The following SYNC variants were observed in gnomAD, a reference collection of about 807,000 sequenced individuals.
The protein encoded by SYNC is syncoilin, intermediate filament protein.
Under a neutral mutation model 49.5 loss-of-function variants are expected in SYNC, and 38 were observed. That is an observed-to-expected ratio of 0.77 (90% confidence interval 0.59 to 1.01). SYNC has a LOEUF of 1.01. Among genes scored for constraint, SYNC ranks in the 50% least tolerant of loss-of-function variants. The pLI, the probability that SYNC is intolerant of heterozygous loss-of-function variation, is 0.00. For missense variants in SYNC, 579 were observed against 580.6 expected (o/e 1.00, Z 0.03); for synonymous variants, 201 against 230.8 (o/e 0.87, Z 1.17).
intron 1 of SYNC, among the ~76,000 whole-genome samples, chr1:32,698,624 T>G (rs1371845298): frequency 6.6e-6 from 1 of 152,220 alleles, no homozygotes; most frequent in Non-Finnish European, 1.5e-5. Flanking sequence ...TCAAACGCTC[T>G]TGAAGTCAGA....
At chr1:32,682,064 G>A in intron 4 of SYNC, 1 of 558,390 alleles carries the variant, frequency 1.8e-6, no homozygotes, top group Non-Finnish European at 3.2e-6. Flanking sequence ...TTCTCTGCTA[G>A]GTTAACTTCT....
chr1:32,694,578 C>G (rs1650311663), intron 2 of SYNC, among the ~76,000 whole-genome samples: 2 of 151,468 alleles, frequency 1.3e-5, no homozygotes, highest in Non-Finnish European at 2.9e-5. Context: ...GGCATGAACC[C>G]AGGAGGCAGA....
intron 2 of SYNC, among the ~76,000 whole-genome samples, chr1:32,686,773 G>T (rs1034891632): frequency 1.4e-4 from 21 of 150,126 alleles, no homozygotes; most frequent in African/African-American, 4.3e-4. Flanking sequence ...TCATGTGAGG[G>T]TGCTGAGCCA....
chr1:32,687,854 T>TATTATTATGATTATTATTATTATG (rs1649949253), intron 2 of SYNC, among the ~76,000 whole-genome samples: 1 of 22,116 alleles, frequency 4.5e-5, no homozygotes, highest in Admixed American at 5.0e-4. Context: ...TTATTATTAT[T>TATTATTATGATTATTATTATTATG]ATTATTATTT....
At chr1:32,686,744 G>A (rs1467746420) in intron 2 of SYNC, among the ~76,000 whole-genome samples, 1 of 152,132 alleles carries the variant, frequency 6.6e-6, no homozygotes, top group Non-Finnish European at 1.5e-5. Flanking sequence ...GGATATGGGA[G>A]TATTATTAAT....
In SYNC at chr1:32,702,492, G is replaced by A. The variant is rs1650704971; in HGVS notation, c.53+116C>T. On this transcript the variant is annotated intron_variant, in intron 1 of 4. Transcript: ENST00000409190. The surrounding 1 kb of genome is among the most constrained non-coding windows in gnomAD (Gnocchi z 6.2). ...CGAGGCGGCTCCAGTGCCCCACCCC[G>A]GCTGGACCACTACCCCTAGACAGGC... The A allele has an allele frequency of 9.6e-7, 1 of 1,044,426 alleles. No individual in the cohort carries two copies. The highest frequency in any genetic ancestry group is 1.2e-6 in the Non-Finnish European group (1 of 835,256). The allele number at this position is 1,044,426 out of a possible 1,614,324, so 64.7% of individuals were successfully genotyped here.
intron 2 of SYNC, among the ~76,000 whole-genome samples, chr1:32,689,169 G>A (rs1650036557): frequency 7.2e-6 from 1 of 138,272 alleles, no homozygotes; most frequent in Non-Finnish European, 1.5e-5. Flanking sequence ...TCGATCTTTT[G>A]ACGTGATCCG....
chr1:32,698,481 C>T (rs531692167), intron 1 of SYNC, among the ~76,000 whole-genome samples: 2 of 152,060 alleles, frequency 1.3e-5, no homozygotes, highest in East Asian at 1.9e-4. Context: ...ATTGCGCCAC[C>T]GCACTCCAGC....
chr1:32,681,531 C>T lies in SYNC; in HGVS notation c.*319G>A, dbSNP rs1365543697. The T allele has an allele frequency of 1.2e-5, 5 of 423,830 alleles. No homozygotes were observed. The East Asian group carries it at 2.0e-4, about 17-fold the overall frequency. 26.3% of individuals were successfully genotyped at this position (423,830 alleles called of 1,614,324 possible). A position where few individuals can be genotyped will look rare whatever the true frequency, so the allele number is the denominator to read the frequency against. On this transcript the variant is annotated 3_prime_UTR_variant, in exon 5 of 5. Coordinates refer to ENST00000409190, the MANE Select transcript of SYNC (RefSeq NM_030786.3). ...TAAAATACTCCCAGATGTGTCCATA[C>T]ATTCATCCTTCACTCAGTGCATATG...
At chr1:32,687,361 C>A (rs369202476) in intron 2 of SYNC, among the ~76,000 whole-genome samples, 567 of 123,352 alleles carry the variant, frequency 4.6e-3, no homozygotes, top group Middle Eastern at 8.9e-3. Context: ...GACTTCATCT[C>A]AAAAAAAAAA....
chr1:32,695,273 T>C lies in SYNC; in HGVS notation c.825A>G (p.Glu275=). Reference sequence around the variant, plus strand: ...GCTGGGTTGCCCTTGTAGTCAGCACTTCCCGGAAATCGGCAAACTGAGCCA... The same window carrying C: ...GCTGGGTTGCCCTTGTAGTCAGCACCTCCCGGAAATCGGCAAACTGAGCCA... ...QDVAQFADFR[E]VLTTRATQLS... is the part of the protein sequence containing the mutation. The change falls in exon 2 of 5, where the codon GAA becomes GAG. Residue 275 remains glutamate (E), a synonymous_variant. Transcript: ENST00000409190. 3 of 1,551,772 alleles carry C rather than the reference T, an allele frequency of 1.9e-6. No homozygotes were observed. The highest frequency in any genetic ancestry group is 2.6e-6 in the Non-Finnish European group (3 of 1,147,088).
rs1271450532 is a variant in SYNC, at chr1:32,684,099, G to A, written c.1359-10C>T. 1 of 1,448,986 alleles carries A rather than the reference G, an allele frequency of 6.9e-7. No homozygotes were observed. The allele number at this position is 1,448,986 out of a possible 1,614,324, so 89.8% of individuals were successfully genotyped here. A position where few individuals can be genotyped will look rare whatever the true frequency, so the allele number is the denominator to read the frequency against. On this transcript the variant is annotated splice_polypyrimidine_tract_variant and intron_variant, in intron 3 of 4. Coordinates refer to ENST00000409190, the MANE Select transcript of SYNC (RefSeq NM_030786.3). ...GGGTAGTAGCATAGCCCTTTAAAAA[G>A]AGAGAGCCATTTTCCATGTGTTTTT...
At chr1:32,686,019 A>T (rs76037193) in intron 2 of SYNC, 2 of 152,202 alleles carry the variant, frequency 1.3e-5, no homozygotes, top group Admixed American at 6.5e-5. Context: ...GCCCTGGACT[A>T]CTAGTACCGA....
chr1:32,688,940 CTT>C (rs963134764), intron 2 of SYNC, among the ~76,000 whole-genome samples: 1 of 147,878 alleles, frequency 6.8e-6, no homozygotes, highest in Non-Finnish European at 1.5e-5. Flanking sequence ...CACACACACA[CTT>C]TTTTTTTTCT....
chr1:32,684,512 T>G, intron 2 of SYNC, 130 bp from the exon 3 acceptor site: 1 of 1,317,282 alleles, frequency 7.6e-7, no homozygotes, highest in Non-Finnish European at 1.0e-6. Context: ...GGTATTTATA[T>G]GATAGGTTAT....
chr1:32,691,189 G>A (rs567765653), intron 2 of SYNC, among the ~76,000 whole-genome samples: 2 of 148,562 alleles, frequency 1.3e-5, no homozygotes, highest in South Asian at 4.3e-4. Context: ...CTGCACTCCA[G>A]CCTGGGTGAC....
chr1:32,681,940 T>TA, intron 4 of SYNC, 80 bp from the exon 5 acceptor site: 2 of 1,298,328 alleles, frequency 1.5e-6, no homozygotes, highest in East Asian at 2.3e-5. Flanking sequence ...AAGAGATTGT[T>TA]ACAGTGTGAT....
chr1:32,696,023 A>G lies in SYNC; in HGVS notation c.75T>C (p.Asn25=). Residue 25 remains asparagine (N), a synonymous_variant, in exon 2 of 5, where the codon AAT becomes AAC. Coordinates refer to ENST00000409190, the MANE Select transcript of SYNC (RefSeq NM_030786.3). Reference sequence around the variant, plus strand: ...ATCCAGAGTTCTTTGGAAGAGGAGAATTGGCCTCTACTCTTGTTTTCCTGC... The same window carrying G: ...ATCCAGAGTTCTTTGGAAGAGGAGAGTTGGCCTCTACTCTTGTTTTCCTGC... ...QAARKTRVEA[N]SPLPKNSGSL... The G allele has an allele frequency of 1.3e-6, 2 of 1,537,566 alleles. No homozygotes were observed. Among genetic ancestry groups the G allele is most frequent in the East Asian group, 4.9e-5 (2 of 40,910 alleles).
At chr1:32,684,683 G>T in intron 2 of SYNC, 1 of 289,550 alleles carries the variant, frequency 3.5e-6, no homozygotes, top group Non-Finnish European at 6.6e-6. Flanking sequence ...TCATTGAGGA[G>T]GATTTTGGTC....
Sources: allele counts gnomAD v4.1 joint callset (sites outside exome capture counted in the v4.1 genomes callset), GRCh38; gene constraint gnomAD v4.1.1; non-coding constraint Gnocchi (gnomAD v3.1); transcripts MANE v1.5; gene names NCBI Gene and HGNC (gene_info 2026-07-23, HGNC 2026-07-21).